Variants in PLB1 observed in about 807,000 individuals in gnomAD.
The protein encoded by PLB1 is phospholipase B1.
PLB1 carries 242 observed loss-of-function variants against 227.4 expected under a neutral mutation model. The ratio of observed to expected loss-of-function variants is 1.06; its 90% confidence interval spans 0.96 to 1.18. The LOEUF (loss-of-function observed/expected upper bound fraction) is 1.18. PLB1 is among the 50% of genes most tolerant of loss of function. PLB1 has a pLI of 0.00. For missense variants in PLB1, 1,858 were observed against 1,816.3 expected, an observed-to-expected ratio of 1.02 and a Z score of -0.42; for synonymous variants, 757 against 682.2, an observed-to-expected ratio of 1.11 and a Z score of -1.71.
At chr2:28,552,656 C>T (rs1208913195) in intron 16 of PLB1, among the ~76,000 whole-genome samples, 1 of 152,148 alleles carries the variant, frequency 6.6e-6, no homozygotes, top group Non-Finnish European at 1.5e-5. Flanking sequence ...GGCCATGATG[C>T]TGGTGAATCA....
chr2:28,604,623 C>G, intron 40 of PLB1, 32 bp from the exon 41 acceptor site: 1 of 1,600,200 alleles, frequency 6.2e-7, no homozygotes, highest in Non-Finnish European at 8.6e-7. Context: ...CACCCAGGGC[C>G]TGGGCTGAAG....
chr2:28,534,975 G>A (rs1339193326), intron 9 of PLB1, among the ~76,000 whole-genome samples: 1 of 152,082 alleles, frequency 6.6e-6, no homozygotes, highest in Non-Finnish European at 1.5e-5. Flanking sequence ...CCTCCTAATT[G>A]CCCTCCAAAG....
At chr2:28,592,845 A>G (rs1682212056) in intron 32 of PLB1, 126 bp downstream of exon 32, 2 of 775,840 alleles carry the variant, frequency 2.6e-6, no homozygotes, top group South Asian at 1.8e-5. Flanking sequence ...GGCTCTGTCA[A>G]TCCAAGAGCA....
Position 28,497,350 on chromosome 2 carries a change from G to A in PLB1, c.55+1181G>A, listed in dbSNP as rs151028673. Among the ~76,000 whole-genome samples the A allele has an allele frequency of 2.8e-3, 426 of 152,344 alleles. 3 individuals carry two copies. Among genetic ancestry groups the A allele is most frequent in the African/African-American group, 9.6e-3 (399 of 41,582 alleles). On this transcript the variant is annotated intron_variant, in intron 1 of 57. Coordinates refer to ENST00000327757, the MANE Select transcript of PLB1 (RefSeq NM_153021.5). ...AACAGAGGCTACTTATTCAGAGCTC[G>A]CTGTAGCGAGACATCACTTATGTTT...
chr2:28,635,995 GTA>G (rs1481272828), intron 56 of PLB1, among the ~76,000 whole-genome samples: 8 of 151,402 alleles, frequency 5.3e-5, no homozygotes, highest in African/African-American at 7.3e-5. Flanking sequence ...GTGTATGTGT[GTA>G]TGTATGTGTA....
At chr2:28,561,810 C>T (rs1676089346) in intron 17 of PLB1, among the ~76,000 whole-genome samples, 1 of 152,134 alleles carries the variant, frequency 6.6e-6, no homozygotes, top group South Asian at 2.1e-4. Context: ...ATCACTTGAG[C>T]CCGGGAGGTC....
intron 20 of PLB1, among the ~76,000 whole-genome samples, chr2:28,571,776 T>C (rs1033589950): frequency 3.9e-5 from 6 of 152,082 alleles, no homozygotes; most frequent in African/African-American, 1.4e-4. Context: ...CCTCACACTT[T>C]ATACAAAAAT....
At chr2:28,621,837 A>C (rs1254127995) in intron 49 of PLB1, among the ~76,000 whole-genome samples, 1 of 151,708 alleles carries the variant, frequency 6.6e-6, no homozygotes, top group Non-Finnish European at 1.5e-5. Context: ...TCATTATAGC[A>C]ACATCTAATT....
At position 28,539,131 on chromosome 2, in the gene PLB1, C is replaced by T. The variant is rs955472449; in HGVS notation, c.651C>T (p.Leu217=). 1.2e-6 allele frequency: 2 copies of T among 1,613,994 alleles called. No homozygotes were observed. The highest frequency in any genetic ancestry group is 1.3e-5 in the African/African-American group (1 of 74,946). The change falls in exon 11 of 58, where the codon CTC becomes CTT. Residue 217 remains leucine (L), a synonymous_variant. Coordinates refer to ENST00000327757, the MANE Select transcript of PLB1 (RefSeq NM_153021.5). ...VPRAFVNLVD[L]SEVAEVSRQY... is the part of the protein sequence containing the mutation. ...GAGCATTTGTAAACCTGGTGGACCT[C>T]TCTGAGGTTGCAGAGGTCTCTCGTC...
chr2:28,569,359 A>G (rs1173660336), intron 20 of PLB1, among the ~76,000 whole-genome samples: 1 of 152,216 alleles, frequency 6.6e-6, no homozygotes, highest in Non-Finnish European at 1.5e-5. Context: ...TGGGGTATAT[A>G]TAGACCCTGC....
chr2:28,558,935 G>A (rs1390977014), intron 17 of PLB1, among the ~76,000 whole-genome samples: 1 of 152,158 alleles, frequency 6.6e-6, no homozygotes, highest in Non-Finnish European at 1.5e-5. Flanking sequence ...ATATTGCCCA[G>A]GCTGGTCTCG....
chr2:28,572,475 A>G (rs1678175218), intron 20 of PLB1, among the ~76,000 whole-genome samples: 1 of 152,240 alleles, frequency 6.6e-6, no homozygotes, highest in Non-Finnish European at 1.5e-5. Flanking sequence ...ATTTTTCATA[A>G]TACCCAAAAT....
chr2:28,528,884 A>G (rs1361644501), intron 6 of PLB1, among the ~76,000 whole-genome samples: 2 of 150,768 alleles, frequency 1.3e-5, no homozygotes, highest in African/African-American at 2.4e-5. Flanking sequence ...AGGAAGGACC[A>G]TGCCTTGGAA....
chr2:28,540,486 C>A, intron 12 of PLB1, 45 bp downstream of exon 12: 1 of 1,549,456 alleles, frequency 6.5e-7, no homozygotes, highest in Non-Finnish European at 8.9e-7. Flanking sequence ...ACCGGGGTGG[C>A]GTGGTCGCCA....
At chr2:28,591,795 C>T (rs763305110) in intron 31 of PLB1, 35 bp downstream of exon 31, 29 of 1,603,946 alleles carry the variant, frequency 1.8e-5, no homozygotes, top group Non-Finnish European at 2.3e-5. Context: ...ACCCAGGGCC[C>T]CTCCACAGGG....
At chr2:28,565,484 A>G (rs1676734161) in intron 19 of PLB1, 131 bp downstream of exon 19, 2 of 752,318 alleles carry the variant, frequency 2.7e-6, no homozygotes, top group East Asian at 2.7e-5. Flanking sequence ...ACCAACTTCT[A>G]GGTTTAATTT....
At chr2:28,593,800 G>A in intron 33 of PLB1, 46 bp downstream of exon 33, 2 of 1,513,562 alleles carry the variant, frequency 1.3e-6, no homozygotes, top group African/African-American at 2.7e-5. Context: ...CCACAACAGA[G>A]ATTAGGTGTG....
At chr2:28,604,586 T>C (rs1684382691) in intron 40 of PLB1, 69 bp from the exon 41 acceptor site, 1 of 1,289,476 alleles carries the variant, frequency 7.8e-7, no homozygotes, top group African/African-American at 1.5e-5. Context: ...CCACCACCCC[T>C]ACTCTTGCCT....
At chr2:28,626,404 A>G (rs371532760) in intron 50 of PLB1, 24 bp from the exon 51 acceptor site, 1 of 1,608,964 alleles carries the variant, frequency 6.2e-7, no homozygotes, top group Non-Finnish European at 8.5e-7. Context: ...CAAGGCCTAA[A>G]CTCAGGATCT....
Sources: gnomAD v4.1 joint callset for allele counts (sites outside exome capture counted in the v4.1 genomes callset) on GRCh38, gnomAD v4.1.1 for gene constraint, MANE v1.5 for transcripts, NCBI Gene and HGNC (gene_info 2026-07-23, HGNC 2026-07-21) for gene names.